The following P2RY10 variants were observed in gnomAD, a reference collection of about 807,000 sequenced individuals.
The protein encoded by P2RY10 is P2Y receptor family member 10.
Under a neutral mutation model 12.1 loss-of-function variants are expected in P2RY10, and 4 were observed. The ratio of observed to expected loss-of-function variants is 0.33; its 90% CI spans 0.16 to 0.76. The LOEUF (loss-of-function observed/expected upper bound fraction) is 0.76, where lower values mean the gene tolerates loss of function less well. P2RY10 is among the 30% of genes least tolerant of loss of function. The pLI, the probability that P2RY10 is intolerant of heterozygous loss-of-function variation, is 0.61. For missense variants in P2RY10, 233 were observed against 264.6 expected (o/e 0.88, Z 0.83); for synonymous variants, 112 against 94.1 (o/e 1.19, Z -1.10).
intron 3 of P2RY10, among the ~76,000 whole-genome samples, chrX:78,956,980 G>A (rs1602268481): frequency 9.0e-6 from 1 of 111,535 alleles, no homozygotes; most frequent in East Asian, 2.8e-4. Context: ...GGGAGCTGTT[G>A]CAATAGCCAA....
At chrX:78,949,506 C>T (rs1056673101) in intron 2 of P2RY10, among the ~76,000 whole-genome samples, 1 of 111,602 alleles carries the variant, frequency 9.0e-6, no homozygotes, top group Non-Finnish European at 1.9e-5. Flanking sequence ...GATATGATAC[C>T]AGGTCTTCCA....
At chrX:78,958,700 T>A (rs1248507182) in intron 3 of P2RY10, among the ~76,000 whole-genome samples, 1 of 112,249 alleles carries the variant, frequency 8.9e-6, no homozygotes, top group Non-Finnish European at 1.9e-5. Context: ...CACATGATAA[T>A]TATTTCCTGC....
chrX:78,958,644 C>T (rs961631653), intron 3 of P2RY10, among the ~76,000 whole-genome samples: 5 of 111,942 alleles, frequency 4.5e-5, no homozygotes, highest in African/African-American at 1.6e-4. Context: ...ATAAATACAC[C>T]TGAAAACTTC....
intron 2 of P2RY10, among the ~76,000 whole-genome samples, chrX:78,951,291 T>A (rs1369792156): frequency 8.9e-6 from 1 of 112,283 alleles, no homozygotes; most frequent in Non-Finnish European, 1.9e-5. Context: ...TCCTGTTGGA[T>A]TTCAAAACGA....
At position 78,963,312 on chromosome X, in the gene P2RY10, G is replaced by A. The variant is rs1375891120; in HGVS notation, c.*1772G>A. Among the ~76,000 whole-genome samples, 1 of 112,524 alleles carries A rather than the reference G, an allele frequency of 8.9e-6. No homozygotes were observed. The highest frequency in any genetic ancestry group is 9.4e-5 in the Admixed American group (1 of 10,638). Reference sequence around the variant, plus strand: ...AAAGAAAAAGTTATGCATTTATAAAGTAATTAAACTGGTTTTCCTTGTACT... The same window carrying A: ...AAAGAAAAAGTTATGCATTTATAAAATAATTAAACTGGTTTTCCTTGTACT... On this transcript the variant is annotated 3_prime_UTR_variant, in exon 4 of 4. Coordinates refer to ENST00000171757, the MANE Select transcript of P2RY10 (RefSeq NM_014499.4).
rs1392919586 is a variant in P2RY10 at position 78,960,953 on chromosome X, A to G, written c.433A>G (p.Lys145Glu). The change falls in exon 4 of 4, where the codon AAG becomes GAG. Residue 145 changes from lysine (K) to glutamate (E), a missense_variant. Lys to Glu is a moderately conservative substitution (Grantham distance 56). Transcript: ENST00000171757. The stretch of plus-strand genomic sequence containing the variant: ...CAAGCCCTTCAGGGCCAGAGACTGG[A>G]AGCGTAGGTACGATGTGGGCATCAG... ...LLKPFRARDW[K>E]RRYDVGISAA... 1 of 1,209,582 alleles carries G rather than the reference A, an allele frequency of 8.3e-7. No homozygotes were observed. The highest frequency in any genetic ancestry group is 1.1e-6 in the Non-Finnish European group (1 of 894,882).
intron 3 of P2RY10, among the ~76,000 whole-genome samples, chrX:78,959,774 G>A (rs1724772848): frequency 9.0e-6 from 1 of 111,637 alleles, no homozygotes; most frequent in Admixed American, 9.5e-5. Context: ...TCTACTTAGA[G>A]GTAGAATTGG....
Position 78,961,282 on chromosome X carries a change from C to T in P2RY10, c.762C>T (p.Ile254=), listed in dbSNP as rs774939459. 1.7e-6 allele frequency: 2 copies of T among 1,209,009 alleles called. No homozygotes were observed. Among genetic ancestry groups the T allele is most frequent in the Non-Finnish European group, 2.2e-6 (2 of 893,087 alleles). Residue 254 remains isoleucine (I), a synonymous_variant, in exon 4 of 4, where the codon ATC becomes ATT. Transcript: ENST00000171757. ...MVFMCAAVFF[I]CFTPYHINFI... The stretch of plus-strand genomic sequence containing the variant: ...TCATGTGTGCTGCAGTCTTCTTCAT[C>T]TGCTTCACTCCCTATCATATTAACT...
At chrX:78,949,620 C>A (rs1922017689) in intron 2 of P2RY10, among the ~76,000 whole-genome samples, 1 of 112,318 alleles carries the variant, frequency 8.9e-6, no homozygotes. Context: ...CATATTCCTG[C>A]ATGAAAGTTC....
chrX:78,951,270 G>T (rs1295262930), intron 2 of P2RY10, among the ~76,000 whole-genome samples: 2 of 112,024 alleles, frequency 1.8e-5, no homozygotes, highest in East Asian at 2.8e-4. Context: ...TCCTAATTAA[G>T]TTTAAGGGAT....
chrX:78,952,314 G>A lies in P2RY10; in HGVS notation c.-35G>A. 2 of 752,658 alleles carry A rather than the reference G, an allele frequency of 2.7e-6. No homozygotes were observed. The highest frequency in any genetic ancestry group is 3.1e-6 in the Non-Finnish European group (2 of 638,091). 62.0% of individuals were successfully genotyped at this position (752,658 alleles called of 1,213,427 possible). ...TTTGGAATAGGAAGCATGTACCCTG[G>A]ACAGAGCACTTCAAACTAGAGGTAC... On this transcript the variant is annotated 5_prime_UTR_variant, in exon 3 of 4. Coordinates refer to ENST00000171757, the MANE Select transcript of P2RY10 (RefSeq NM_014499.4).
At position 78,961,376 on chromosome X, in the gene P2RY10, T is replaced by C. The variant is rs770349226; in HGVS notation, c.856T>C (p.Phe286Leu). The C allele has an allele frequency of 8.3e-7, 1 of 1,211,575 alleles. No individual in the cohort carries two copies. The highest frequency in any genetic ancestry group is 1.1e-6 in the Non-Finnish European group (1 of 895,365). Residue 286 changes from phenylalanine (F) to leucine (L), a missense_variant, in exon 4 of 4, where the codon TTC (phenylalanine) becomes CTC (leucine). Physicochemically the swap from Phe to Leu is conservative, Grantham distance 22 (BLOSUM62 0). Coordinates refer to ENST00000171757, the MANE Select transcript of P2RY10 (RefSeq NM_014499.4). ...TCCCGTTGTCCGAATCGCACTGTAT[T>C]TCCACCCTTTTTGCCTGTGCCTTGC... ...SCPVVRIALYFHPFCLCLASL... is the reference protein window; with the variant it reads ...SCPVVRIALYLHPFCLCLASL...
intron 3 of P2RY10, among the ~76,000 whole-genome samples, chrX:78,954,535 G>A (rs1050650994): frequency 8.9e-6 from 1 of 111,858 alleles, no homozygotes; most frequent in Non-Finnish European, 1.9e-5. Flanking sequence ...TTAAAAAATT[G>A]ACTTCCAATC....
rs925065189 is a variant in P2RY10 at position 78,962,644 on chromosome X, G to C, written c.*1104G>C. Among the ~76,000 whole-genome samples, 1 of 111,469 alleles carries C rather than the reference G, an allele frequency of 9.0e-6. No homozygotes were observed. Among genetic ancestry groups the C allele is most frequent in the Non-Finnish European group, 1.9e-5 (1 of 53,126 alleles). On this transcript the variant is annotated 3_prime_UTR_variant, in exon 4 of 4. Transcript: ENST00000171757. ...ACCACAAGGTCTTAAGTGGTAAATAGATGCGTTGTCCTAATACTGTTCCAA... is the reference window on the plus strand; with the variant it reads ...ACCACAAGGTCTTAAGTGGTAAATACATGCGTTGTCCTAATACTGTTCCAA...
intron 2 of P2RY10, among the ~76,000 whole-genome samples, chrX:78,951,932 C>G (rs1374724255): frequency 9.0e-6 from 1 of 111,277 alleles, no homozygotes; most frequent in Non-Finnish European, 1.9e-5. Context: ...CAGCTCCCAA[C>G]AGACTCCAAT....
chrX:78,948,101 A>G (rs1214745850), intron 2 of P2RY10, among the ~76,000 whole-genome samples: 1 of 112,406 alleles, frequency 8.9e-6, no homozygotes, highest in Non-Finnish European at 1.9e-5. Flanking sequence ...TTTTCCAAGT[A>G]CTAAGTGCCC....
intron 3 of P2RY10, among the ~76,000 whole-genome samples, chrX:78,955,010 G>T (rs1922272939): frequency 8.9e-6 from 1 of 111,937 alleles, no homozygotes; most frequent in Non-Finnish European, 1.9e-5. Context: ...CGGGGACGGG[G>T]TGGAGAGAAA....
At chrX:78,948,982 GA>G (rs1921979610) in intron 2 of P2RY10, among the ~76,000 whole-genome samples, 1 of 111,776 alleles carries the variant, frequency 8.9e-6, no homozygotes, top group East Asian at 2.8e-4. Flanking sequence ...GTTTTCTATA[GA>G]AGTTGTACTA....
chrX:78,958,170 A>C (rs961600223), intron 3 of P2RY10, among the ~76,000 whole-genome samples: 1 of 112,369 alleles, frequency 8.9e-6, no homozygotes, highest in Admixed American at 9.4e-5. Context: ...AACTAGACGA[A>C]TTCTAGTGTT....
Sources: gnomAD v4.1 joint callset for allele counts (sites outside exome capture counted in the v4.1 genomes callset) on GRCh38, gnomAD v4.1.1 for gene constraint, MANE v1.5 for transcripts, NCBI Gene and HGNC (gene_info 2026-07-23, HGNC 2026-07-21) for gene names.